Variants in NFIB observed in about 807,000 individuals in gnomAD.
NFIB encodes nuclear factor I B.
In NFIB, 11 loss-of-function variants were observed where a neutral mutation model predicts 61.5. The observed-to-expected ratio is 0.18, with a 90% CI of 0.11 to 0.30. The LOEUF (loss-of-function observed/expected upper bound fraction) is 0.30, where lower values mean the gene tolerates loss of function less well. Among genes scored for constraint, NFIB ranks in the 10% least tolerant of loss-of-function variants. NFIB has a pLI of 1.00. For missense variants in NFIB, 471 were observed against 608.9 expected, an observed-to-expected ratio of 0.77 and a Z score of 2.38; for synonymous variants, 260 against 216.5, an observed-to-expected ratio of 1.20 and a Z score of -1.76.
At chr9:14,154,527 C>T (rs2043181661) in intron 4 of NFIB, among the ~76,000 whole-genome samples, 1 of 152,094 alleles carries the variant, frequency 6.6e-6, no homozygotes, top group Non-Finnish European at 1.5e-5. Context: ...ACATATTGAT[C>T]TGGAAAAACA....
At chr9:14,496,290 A>G in the NFIB span, among the ~76,000 whole-genome samples, 1 of 152,344 alleles carries the variant, frequency 6.6e-6, no homozygotes, top group Non-Finnish European at 1.5e-5. Context: ...TGCCTTATCT[A>G]CATAACCTGA....
rs758361201 is a variant in NFIB, at chr9:14,084,425, G to A, written c.*3884C>T. The stretch of plus-strand genomic sequence containing the variant: ...CAGATTCATTCACATATTTTTTAAT[G>A]GAGCTGCCCACCCGAACATTACCCG... On this transcript the variant is annotated 3_prime_UTR_variant, in exon 11 of 11. Transcript: ENST00000380953. The A allele has an allele frequency of 8.4e-5, 19 of 224,934 alleles. No individual in the cohort carries two copies. In the South Asian group the frequency reaches 1.1e-3, roughly 13 times the overall value. 13.9% of individuals were successfully genotyped at this position (224,934 alleles called of 1,614,324 possible). A position where few individuals can be genotyped will look rare whatever the true frequency, so the allele number is the denominator to read the frequency against.
At chr9:14,270,551 G>A (rs6474826) in intron 2 of NFIB, among the ~76,000 whole-genome samples, 2 of 135,826 alleles carry the variant, frequency 1.5e-5, no homozygotes, top group African/African-American at 5.6e-5. Context: ...AGGGGAGTGA[G>A]AGATGAGTTC....
At position 14,238,824 on chromosome 9, in the gene NFIB, C is replaced by G. The variant is rs1286144008; in HGVS notation, c.563-59044G>C. On this transcript the variant is annotated intron_variant, in intron 2 of 10. Transcript: ENST00000380953. ...AAACAGTAACACAATTTCACCCAAC[C>G]GAGATATAAATCTGTGGGCTTCTCC... Among the ~76,000 whole-genome samples, 7 of 152,094 alleles carry G rather than the reference C, an allele frequency of 4.6e-5. No homozygotes were observed. In the East Asian group the frequency reaches 1.3e-3, roughly 29 times the overall value.
the NFIB span, among the ~76,000 whole-genome samples, chr9:14,445,751 G>A: frequency 1.3e-5 from 2 of 152,156 alleles, no homozygotes; most frequent in African/African-American, 4.8e-5. Context: ...GATTTATGCT[G>A]TGTTCTCGAA....
intron 2 of NFIB, among the ~76,000 whole-genome samples, chr9:14,188,011 G>A (rs1451106690): frequency 6.6e-6 from 1 of 152,102 alleles, no homozygotes; most frequent in Non-Finnish European, 1.5e-5. Flanking sequence ...CTAAGATTAA[G>A]TTCAATGACT....
chr9:14,100,569 G>C (rs779518857), intron 10 of NFIB, among the ~76,000 whole-genome samples: 1 of 152,182 alleles, frequency 6.6e-6, no homozygotes, highest in Admixed American at 6.5e-5. Context: ...AATTAGCCGG[G>C]CGTGGTGGCG....
chr9:14,113,713 T>C (rs574579423), intron 9 of NFIB, among the ~76,000 whole-genome samples: 4 of 152,288 alleles, frequency 2.6e-5, no homozygotes, highest in African/African-American at 4.8e-5. Context: ...GTACTTCCCA[T>C]AAGCACACAT....
chr9:14,204,659 G>A (rs1383803124), intron 2 of NFIB: 31 of 650,880 alleles, frequency 4.8e-5, no homozygotes, highest in Non-Finnish European at 7.7e-5. Flanking sequence ...CCTTCAAGCA[G>A]GAGTTAACAC....
the NFIB span, among the ~76,000 whole-genome samples, chr9:14,451,126 C>A: frequency 6.6e-6 from 1 of 152,174 alleles, no homozygotes; most frequent in East Asian, 1.9e-4. Flanking sequence ...TGAGGTGTTA[C>A]CAATTTTAAT....
chr9:14,221,799 T>C (rs972779567), intron 2 of NFIB, among the ~76,000 whole-genome samples: 19 of 152,250 alleles, frequency 1.2e-4, no homozygotes, highest in African/African-American at 4.6e-4. Context: ...TGCCAGCTAA[T>C]CATTCTTTAC....
intron 10 of NFIB, among the ~76,000 whole-genome samples, chr9:14,092,950 G>A (rs2034174769): frequency 6.6e-6 from 1 of 151,988 alleles, no homozygotes; most frequent in African/African-American, 2.4e-5. Flanking sequence ...GGCAGAAATT[G>A]CTCTCGGCAG....
intron 8 of NFIB, among the ~76,000 whole-genome samples, chr9:14,116,709 G>A (rs2038201129): frequency 6.6e-6 from 1 of 152,204 alleles, no homozygotes; most frequent in African/African-American, 2.4e-5. Flanking sequence ...GCTACAGTTG[G>A]AACCCAATGC....
At chr9:14,500,824 T>G in the NFIB span, among the ~76,000 whole-genome samples, 47 of 152,314 alleles carry the variant, frequency 3.1e-4, no homozygotes, top group Non-Finnish European at 5.9e-4. Context: ...ACAGCGAATC[T>G]ACATGGTGTT....
At chr9:14,163,055 A>G (rs2044377689) in intron 3 of NFIB, among the ~76,000 whole-genome samples, 1 of 152,018 alleles carries the variant, frequency 6.6e-6, no homozygotes, top group Non-Finnish European at 1.5e-5. Flanking sequence ...TACACCTCAC[A>G]TTTCTCTTCC....
chr9:14,463,494 T>C, the NFIB span, among the ~76,000 whole-genome samples: 1 of 152,016 alleles, frequency 6.6e-6, no homozygotes, highest in Non-Finnish European at 1.5e-5. Context: ...CACCCATCAA[T>C]GTCAGGATGG....
chr9:14,372,006 G>A (rs763498196), intron 1 of NFIB, among the ~76,000 whole-genome samples: 1 of 152,090 alleles, frequency 6.6e-6, no homozygotes, highest in African/African-American at 2.4e-5. Context: ...GAGAAGCTGA[G>A]GATGAGCCTC....
At chr9:14,102,990 C>T (rs1173324096) in intron 10 of NFIB, among the ~76,000 whole-genome samples, 1 of 152,126 alleles carries the variant, frequency 6.6e-6, no homozygotes, top group Non-Finnish European at 1.5e-5. Context: ...AAACATTCGC[C>T]CTAACTTGTG....
intron 6 of NFIB, among the ~76,000 whole-genome samples, chr9:14,141,857 A>G (rs1353682585): frequency 2.7e-5 from 4 of 145,904 alleles, no homozygotes; most frequent in Non-Finnish European, 4.5e-5. Context: ...CACACTGTGG[A>G]AGCTTTGTTC....
Sources: gnomAD v4.1 joint callset for allele counts (sites outside exome capture counted in the v4.1 genomes callset) on GRCh38, gnomAD v4.1.1 for gene constraint, MANE v1.5 for transcripts, NCBI Gene and HGNC (gene_info 2026-07-23, HGNC 2026-07-21) for gene names.